ROBO1: variants seen among roughly 807,000 people sequenced by gnomAD.
ROBO1 encodes the protein roundabout homolog 1.
ROBO1 carries 149 observed loss-of-function variants against 195.9 expected under a neutral mutation model. That is an observed-to-expected ratio of 0.76 (90% CI 0.67 to 0.87). The LOEUF (loss-of-function observed/expected upper bound fraction) is 0.87, where lower values mean the gene tolerates loss of function less well. ROBO1 is among the 40% of genes least tolerant of loss of function. ROBO1 has a pLI of 0.00. For synonymous variants in ROBO1, 816 were observed against 733.2 expected (o/e 1.11, Z -1.82); for missense variants, 1,933 against 2,068.3 (o/e 0.93, Z 1.27).
At chr3:79,738,595 G>T (rs1040428860) in intron 1 of ROBO1, among the ~76,000 whole-genome samples, 3 of 152,158 alleles carry the variant, frequency 2.0e-5, no homozygotes, top group Non-Finnish European at 2.9e-5. Flanking sequence ...ACAACGAAGA[G>T]TTCAGAGTCA....
chr3:78,760,809 A>G (rs889370906), intron 4 of ROBO1, among the ~76,000 whole-genome samples: 2 of 150,662 alleles, frequency 1.3e-5, no homozygotes, highest in African/African-American at 5.0e-5. Context: ...GCCCAGCCAA[A>G]TTTTTATTTT....
intron 2 of ROBO1, among the ~76,000 whole-genome samples, chr3:79,197,869 C>G (rs950473541): frequency 2.7e-5 from 4 of 146,708 alleles, no homozygotes; most frequent in African/African-American, 1.0e-4. Flanking sequence ...ATCCTTCGCC[C>G]ATTTTTTTGA....
chr3:79,200,932 T>G (rs1286156340), intron 2 of ROBO1, among the ~76,000 whole-genome samples: 2 of 152,124 alleles, frequency 1.3e-5, no homozygotes, highest in Middle Eastern at 3.4e-3. Flanking sequence ...ATGTCTTTGC[T>G]ATATAAAATG....
At chr3:79,056,990 C>T (rs988996361) in intron 3 of ROBO1, among the ~76,000 whole-genome samples, 8 of 152,144 alleles carry the variant, frequency 5.3e-5, no homozygotes, top group South Asian at 2.1e-4. Context: ...AAGTTCAAGC[C>T]GCCTTTCAAC....
rs59568172 is a variant in ROBO1 at position 79,530,755 on chromosome 3, CCACACACACACACACACACACA to C, written c.88+59047_88+59068del. Among the ~76,000 whole-genome samples, 22 of 128,256 alleles carry C rather than the reference CCACACACACACACACACACACA, an allele frequency of 1.7e-4. 1 individual carries two copies. Among genetic ancestry groups the C allele is most frequent in the Admixed American group, 3.2e-4 (4 of 12,382 alleles). 84.1% of individuals were successfully genotyped at this position (128,256 alleles called of 152,430 possible). On this transcript the variant is annotated intron_variant, in intron 2 of 30. Coordinates refer to ENST00000464233, the MANE Select transcript of ROBO1 (RefSeq NM_002941.4). ...TATTTAATTCACCCACACCTTGTAA[CCACACACACACACACACACACA>C]CACACACACACACACACACACACAC...
intron 3 of ROBO1, among the ~76,000 whole-genome samples, chr3:78,965,213 T>C (rs1346635867): frequency 6.6e-6 from 1 of 152,052 alleles, no homozygotes; most frequent in Non-Finnish European, 1.5e-5. Context: ...CTAAAACAAT[T>C]TCCCTTGATA....
intron 8 of ROBO1, among the ~76,000 whole-genome samples, chr3:78,709,230 C>T (rs891449291): frequency 6.6e-6 from 1 of 152,158 alleles, no homozygotes; most frequent in Admixed American, 6.5e-5. Context: ...TTATCCCAAA[C>T]AGCATTGTTT....
chr3:79,480,290 A>G (rs1334422695), intron 2 of ROBO1, among the ~76,000 whole-genome samples: 1 of 152,190 alleles, frequency 6.6e-6, no homozygotes, highest in South Asian at 2.1e-4. Flanking sequence ...TCTTTGATGC[A>G]GTGAACTGGG....
intron 4 of ROBO1, among the ~76,000 whole-genome samples, chr3:78,823,031 A>AT: frequency 6.6e-6 from 1 of 152,262 alleles, no homozygotes; most frequent in African/African-American, 2.4e-5. Flanking sequence ...TCTGTACTTC[A>AT]TTGCTTTTCA....
chr3:79,746,078 A>G (rs1289232308), intron 1 of ROBO1, among the ~76,000 whole-genome samples: 1 of 152,110 alleles, frequency 6.6e-6, no homozygotes, highest in African/African-American at 2.4e-5. Flanking sequence ...TCATGATATA[A>G]TGTTTTCCCT....
intron 2 of ROBO1, among the ~76,000 whole-genome samples, chr3:79,562,909 T>C (rs909360062): frequency 6.6e-6 from 1 of 152,034 alleles, no homozygotes; most frequent in African/African-American, 2.4e-5. Context: ...CTAAAGCATA[T>C]TGATCATAAA....
At chr3:79,518,183 C>G (rs1941035402) in intron 2 of ROBO1, among the ~76,000 whole-genome samples, 1 of 152,088 alleles carries the variant, frequency 6.6e-6, no homozygotes, top group Non-Finnish European at 1.5e-5. Flanking sequence ...CAAAAGTATG[C>G]TAATTTTCCT....
intron 2 of ROBO1, among the ~76,000 whole-genome samples, chr3:79,586,022 T>A (rs1440891642): frequency 1.3e-5 from 2 of 151,952 alleles, no homozygotes; most frequent in Admixed American, 6.6e-5. Context: ...CATGCAACAT[T>A]ACTTGTTAAA....
At chr3:79,523,808 A>G (rs556442092) in intron 2 of ROBO1, among the ~76,000 whole-genome samples, 1 of 152,254 alleles carries the variant, frequency 6.6e-6, no homozygotes, top group African/African-American at 2.4e-5. Flanking sequence ...ATGCATCTAA[A>G]AGAGAGACTA....
chr3:78,781,823 TATG>T (rs1268577311), intron 4 of ROBO1, among the ~76,000 whole-genome samples: 3 of 152,276 alleles, frequency 2.0e-5, no homozygotes, highest in East Asian at 1.9e-4. Context: ...TAAAATCACA[TATG>T]ATGTTTAAAA....
intron 2 of ROBO1, among the ~76,000 whole-genome samples, chr3:79,312,854 C>G (rs907527986): frequency 2.6e-5 from 4 of 151,998 alleles, no homozygotes; most frequent in Non-Finnish European, 5.9e-5. Context: ...TTTTGAGTCT[C>G]TAATTCAGCA....
chr3:78,768,262 C>T (rs186772569), intron 4 of ROBO1, among the ~76,000 whole-genome samples: 74 of 151,294 alleles, frequency 4.9e-4, no homozygotes, highest in Non-Finnish European at 6.3e-4. Context: ...GGGGTGGAGT[C>T]GATTTTCAGT....
intron 2 of ROBO1, among the ~76,000 whole-genome samples, chr3:79,167,589 T>A (rs1327239862): frequency 6.6e-6 from 1 of 152,094 alleles, no homozygotes; most frequent in African/African-American, 2.4e-5. Context: ...ACTAGTTACT[T>A]CCCTTCACAC....
chr3:78,841,739 A>G (rs2033219490), intron 4 of ROBO1, among the ~76,000 whole-genome samples: 1 of 152,174 alleles, frequency 6.6e-6, no homozygotes, highest in South Asian at 2.1e-4. Flanking sequence ...CCTATGACAT[A>G]GCCAATTTCC....
Sources: allele counts gnomAD v4.1 joint callset (sites outside exome capture counted in the v4.1 genomes callset), GRCh38; gene constraint gnomAD v4.1.1; transcripts MANE v1.5; gene names NCBI Gene and HGNC (gene_info 2026-07-23, HGNC 2026-07-21).